GPR149: variants seen among roughly 807,000 people sequenced by gnomAD.
GPR149 encodes G protein-coupled receptor 149.
Under a neutral mutation model 50.2 loss-of-function variants are expected in GPR149, and 50 were observed. The ratio of observed to expected loss-of-function variants is 1.00; its 90% CI spans 0.79 to 1.26. The LOEUF (loss-of-function observed/expected upper bound fraction) is 1.26, where lower values mean the gene tolerates loss of function less well. Among genes scored for constraint, GPR149 ranks in the 50% most tolerant of loss-of-function variants. The pLI is 0.00. For missense variants in GPR149, 983 were observed against 895.4 expected (o/e 1.10, Z -1.25); for synonymous variants, 405 against 358.2 (o/e 1.13, Z -1.48).
At chr3:154,391,315 T>G (rs1715164141) in intron 3 of GPR149, among the ~76,000 whole-genome samples, 1 of 150,728 alleles carries the variant, frequency 6.6e-6, no homozygotes, top group Non-Finnish European at 1.5e-5. Flanking sequence ...TGTGGGGGGT[T>G]TGTGGGGGGA....
At chr3:154,394,402 A>C (rs1164029758) in intron 3 of GPR149, among the ~76,000 whole-genome samples, 1 of 152,104 alleles carries the variant, frequency 6.6e-6, no homozygotes, top group East Asian at 1.9e-4. Flanking sequence ...AAAATGGTTT[A>C]AGTGCTTAAA....
Position 154,429,028 on chromosome 3 carries a change from G to C in GPR149, c.588C>G (p.Ile196Met). 1.2e-6 allele frequency: 2 copies of C among 1,614,026 alleles called. No individual in the cohort carries two copies. Among genetic ancestry groups the C allele is most frequent in the Non-Finnish European group, 1.7e-6 (2 of 1,180,020 alleles). ...CSSSYVLFLSIVYALAFGLLV... is the reference protein window; with the variant it reads ...CSSSYVLFLSMVYALAFGLLV... ...GGAGTCCGAAGGCCAAAGCGTACAC[G>C]ATAGAGAGGAATAGTACGTAGGAGC... is the stretch of plus-strand genomic sequence containing the variant. Residue 196 changes from isoleucine (I) to methionine (M), a missense_variant, in exon 1 of 4, where the codon ATC (isoleucine) becomes ATG (methionine). By Grantham distance (10) the Ile-to-Met change is conservative. Coordinates refer to ENST00000389740, the MANE Select transcript of GPR149 (RefSeq NM_001038705.3).
chr3:154,378,580 A>G (rs1183458910), intron 3 of GPR149, among the ~76,000 whole-genome samples: 2 of 152,138 alleles, frequency 1.3e-5, no homozygotes, highest in East Asian at 3.8e-4. Context: ...TTTATGTTTA[A>G]TTTTTAAGGA....
intron 3 of GPR149, among the ~76,000 whole-genome samples, chr3:154,374,937 A>G (rs1478776453): frequency 5.3e-5 from 8 of 152,214 alleles, no homozygotes; most frequent in Admixed American, 5.2e-4. Context: ...TCCAAGCTAT[A>G]TAATGTGGTA....
chr3:154,388,028 T>G (rs1171493000), intron 3 of GPR149, among the ~76,000 whole-genome samples: 1 of 152,156 alleles, frequency 6.6e-6, no homozygotes, highest in African/African-American at 2.4e-5. Context: ...ATATTTAAAA[T>G]AAAGAAATAA....
intron 3 of GPR149, among the ~76,000 whole-genome samples, chr3:154,346,349 C>T (rs1222136256): frequency 6.6e-6 from 1 of 152,122 alleles, no homozygotes; most frequent in Non-Finnish European, 1.5e-5. Context: ...AAAACTATGT[C>T]GTTACTGTTT....
chr3:154,381,166 A>AT (rs925206648), intron 3 of GPR149, among the ~76,000 whole-genome samples: 6 of 152,224 alleles, frequency 3.9e-5, no homozygotes, highest in Non-Finnish European at 7.4e-5. Context: ...CAATTGAAAT[A>AT]TTTTTTTCCA....
chr3:154,356,851 C>T (rs1276061390), intron 3 of GPR149, among the ~76,000 whole-genome samples: 1 of 151,920 alleles, frequency 6.6e-6, no homozygotes, highest in African/African-American at 2.4e-5. Flanking sequence ...CATATGGAAC[C>T]AAAAAAGGGC....
chr3:154,429,080 G>A lies in GPR149; in HGVS notation c.536C>T (p.Pro179Leu). 1 of 1,613,786 alleles carries A rather than the reference G, an allele frequency of 6.2e-7. No homozygotes were observed. Among genetic ancestry groups the A allele is most frequent in the East Asian group, 2.2e-5 (1 of 44,850 alleles). Residue 179 changes from proline to leucine, a missense_variant, in exon 1 of 4, where the codon CCC becomes CTC. By Grantham distance (98) the Pro-to-Leu change is moderately conservative. Coordinates refer to ENST00000389740, the MANE Select transcript of GPR149 (RefSeq NM_001038705.3). ...GGAGCAGTCCACCAGGCAGCCCCAG[G>A]GCGTGCGCACGAAGGCGCCCCAGCC... Reference protein sequence around the residue: ...LCGWGAFVRTPWGCLVDCSSS... With the variant: ...LCGWGAFVRTLWGCLVDCSSS...
chr3:154,373,575 C>T (rs952607663), intron 3 of GPR149, among the ~76,000 whole-genome samples: 2 of 152,126 alleles, frequency 1.3e-5, no homozygotes, highest in Non-Finnish European at 1.5e-5. Context: ...TTGTATCTGT[C>T]AGAACTAGTC....
At chr3:154,408,796 C>G (rs1471613346) in intron 3 of GPR149, among the ~76,000 whole-genome samples, 1 of 152,178 alleles carries the variant, frequency 6.6e-6, no homozygotes, top group Non-Finnish European at 1.5e-5. Context: ...AGCTCTATGG[C>G]CCTGCTCACC....
intron 3 of GPR149, among the ~76,000 whole-genome samples, chr3:154,399,427 T>C (rs941627002): frequency 7.2e-5 from 11 of 152,236 alleles, no homozygotes; most frequent in African/African-American, 2.4e-4. Flanking sequence ...TGGCCAGTTA[T>C]AACCTTTCTT....
chr3:154,412,495 A>T (rs917374442), intron 3 of GPR149, among the ~76,000 whole-genome samples: 1 of 152,140 alleles, frequency 6.6e-6, no homozygotes, highest in Non-Finnish European at 1.5e-5. Context: ...GATACAAATT[A>T]ATGTTCACAA....
chr3:154,375,266 T>C (rs1714764214), intron 3 of GPR149, among the ~76,000 whole-genome samples: 1 of 152,210 alleles, frequency 6.6e-6, no homozygotes, highest in African/African-American at 2.4e-5. Context: ...TGCCAAAACA[T>C]TACATTTTGT....
At chr3:154,398,611 C>T (rs888676131) in intron 3 of GPR149, among the ~76,000 whole-genome samples, 1 of 152,010 alleles carries the variant, frequency 6.6e-6, no homozygotes, top group Non-Finnish European at 1.5e-5. Context: ...CAACAACAAC[C>T]CTATAATATC....
intron 3 of GPR149, among the ~76,000 whole-genome samples, chr3:154,412,328 T>C (rs574886792): frequency 1.3e-5 from 2 of 151,846 alleles, no homozygotes; most frequent in African/African-American, 2.4e-5. Context: ...CTGTTCAACA[T>C]AGAAGTCCTA....
intron 3 of GPR149, among the ~76,000 whole-genome samples, chr3:154,406,793 A>T (rs1416122307): frequency 1.3e-5 from 2 of 152,224 alleles, no homozygotes; most frequent in African/African-American, 4.8e-5. Context: ...AATGAGAAAA[A>T]TAAAATCAGG....
At chr3:154,342,546 T>C (rs1293699833) in intron 3 of GPR149, among the ~76,000 whole-genome samples, 2 of 152,042 alleles carry the variant, frequency 1.3e-5, no homozygotes, top group Non-Finnish European at 2.9e-5. Flanking sequence ...GTAGCTGGGA[T>C]TAAAGGCGTA....
chr3:154,381,722 G>C lies in GPR149; in HGVS notation c.1623+39317C>G, dbSNP rs555528576. ...GGAACTACTCTAACAACTTATGTAG[G>C]TCTATTTGAAGAAATAAAGGTAATT... is the stretch of plus-strand genomic sequence containing the variant. On this transcript the variant is annotated intron_variant, in intron 3 of 3. Transcript: ENST00000389740. 3.9e-5 allele frequency among the ~76,000 whole-genome samples: 6 copies of C among 152,168 alleles called. No homozygotes were observed. The South Asian group carries it at 1.2e-3, about 32-fold the overall frequency.
Sources: gnomAD v4.1 joint callset for allele counts (sites outside exome capture counted in the v4.1 genomes callset) on GRCh38, gnomAD v4.1.1 for gene constraint, MANE v1.5 for transcripts, NCBI Gene and HGNC (gene_info 2026-07-23, HGNC 2026-07-21) for gene names.